The following POU6F2 variants were observed in gnomAD, a reference collection of about 807,000 sequenced individuals.
POU6F2 encodes the protein POU domain, class 6, transcription factor 2.
In POU6F2, 31 loss-of-function variants were observed where a neutral mutation model predicts 71.3. The observed-to-expected ratio is 0.43, with a 90% CI of 0.33 to 0.59. The LOEUF (loss-of-function observed/expected upper bound fraction) is 0.59, where lower values mean the gene tolerates loss of function less well. POU6F2 is among the 20% of genes least tolerant of loss of function. The probability of loss-of-function intolerance (pLI) is 0.04; values close to 1 mark genes in which losing one functional copy is unlikely to be tolerated. For missense variants in POU6F2, 783 were observed against 856.8 expected (o/e 0.91, Z 1.07); for synonymous variants, 347 against 355.7 (o/e 0.98, Z 0.27).
chr7:39,413,969 TG>T (rs1787613477), intron 6 of POU6F2, among the ~76,000 whole-genome samples: 1 of 152,184 alleles, frequency 6.6e-6, no homozygotes, highest in Non-Finnish European at 1.5e-5. Flanking sequence ...GACGGTCCCC[TG>T]GTCCGAGGAG....
At chr7:39,053,903 G>A (rs1455890359) in intron 1 of POU6F2, among the ~76,000 whole-genome samples, 1 of 152,052 alleles carries the variant, frequency 6.6e-6, no homozygotes, top group Non-Finnish European at 1.5e-5. Context: ...AGGAGTTAGA[G>A]ACCAGGCTGG....
At chr7:39,173,178 C>G (rs972817042) in intron 2 of POU6F2, among the ~76,000 whole-genome samples, 1 of 152,172 alleles carries the variant, frequency 6.6e-6, no homozygotes, top group African/African-American at 2.4e-5. Context: ...CCTACGCATT[C>G]TATATTTAAC....
At chr7:38,989,213 C>T (rs554838245) in intron 1 of POU6F2, among the ~76,000 whole-genome samples, 1 of 152,092 alleles carries the variant, frequency 6.6e-6, no homozygotes, top group Non-Finnish European at 1.5e-5. Context: ...ACTTCAAATA[C>T]AGTGTCCCAA....
chr7:39,162,901 T>C (rs1021159873), intron 2 of POU6F2, among the ~76,000 whole-genome samples: 2 of 152,154 alleles, frequency 1.3e-5, no homozygotes, highest in African/African-American at 2.4e-5. Flanking sequence ...ATCTGTAACA[T>C]GGTTTGTCAT....
In POU6F2 at chr7:39,160,588, C is replaced by T. The variant is rs369642876; in HGVS notation, c.278-43647C>T. 2.6e-5 allele frequency among the ~76,000 whole-genome samples: 4 copies of T among 152,196 alleles called. No individual in the cohort carries two copies. In the East Asian group the frequency reaches 7.7e-4, roughly 29 times the overall value. ...ATATTCATCTAAAACTGACCTCCTG[C>T]TTTCCTGCTTCTGGACTTTTGCTCC... On this transcript the variant is annotated intron_variant, in intron 2 of 9. Transcript: ENST00000518318.
intron 4 of POU6F2, among the ~76,000 whole-genome samples, chr7:39,291,698 G>A (rs150393316): frequency 1.8e-3 from 269 of 152,240 alleles, no homozygotes; most frequent in Non-Finnish European, 3.1e-3. Flanking sequence ...ATGAGGGCTA[G>A]GCTTGAAGCA....
At chr7:39,380,586 T>C (rs1014838530) in intron 5 of POU6F2, among the ~76,000 whole-genome samples, 2 of 152,186 alleles carry the variant, frequency 1.3e-5, no homozygotes, top group African/African-American at 4.8e-5. Flanking sequence ...ACAACATCAG[T>C]GTGAGAATAC....
chr7:39,111,580 A>T (rs377706335), intron 2 of POU6F2, among the ~76,000 whole-genome samples: 29 of 152,322 alleles, frequency 1.9e-4, no homozygotes, highest in South Asian at 1.4e-3. Context: ...CTGCATCATA[A>T]TTGTAGATAC....
At chr7:39,373,843 T>G (rs1362162076) in intron 5 of POU6F2, 1 of 169,160 alleles carries the variant, frequency 5.9e-6, no homozygotes, top group Non-Finnish European at 1.3e-5. Context: ...CAACTTTTCA[T>G]AGATCTTAAC....
chr7:39,289,474 AT>A lies in POU6F2; in HGVS notation c.599-50158del, dbSNP rs892539202. ...TTGTTTTACCTAAAAGCGGGACTTCATTTTTTTTTTCAGTTGATGCCCACAT... is the reference window on the plus strand; with the variant it reads ...TTGTTTTACCTAAAAGCGGGACTTCATTTTTTTTTCAGTTGATGCCCACAT... On this transcript the variant is annotated intron_variant, in intron 4 of 9. Transcript: ENST00000518318. 3.3e-4 allele frequency among the ~76,000 whole-genome samples: 49 copies of A among 149,468 alleles called. 1 individual carries two copies. Among genetic ancestry groups the A allele is most frequent in the Admixed American group, 1.6e-3 (24 of 15,004 alleles).
At chr7:39,305,955 T>C (rs561577801) in intron 4 of POU6F2, among the ~76,000 whole-genome samples, 1 of 152,230 alleles carries the variant, frequency 6.6e-6, no homozygotes, top group Admixed American at 6.5e-5. Context: ...TATGACTCAA[T>C]TTCTTTTCCT....
intron 6 of POU6F2, among the ~76,000 whole-genome samples, chr7:39,415,958 C>G (rs1326425396): frequency 6.6e-6 from 1 of 152,098 alleles, no homozygotes; most frequent in East Asian, 1.9e-4. Context: ...CCCTGATTTT[C>G]TCGGGTTCAG....
chr7:39,338,144 C>T (rs190066489), intron 4 of POU6F2, among the ~76,000 whole-genome samples: 3 of 152,320 alleles, frequency 2.0e-5, no homozygotes, highest in Admixed American at 6.5e-5. Flanking sequence ...AGGCCAGATG[C>T]AATCAAGTCC....
chr7:39,434,431 C>G (rs1788182236), intron 7 of POU6F2, among the ~76,000 whole-genome samples: 1 of 152,016 alleles, frequency 6.6e-6, no homozygotes, highest in Admixed American at 6.6e-5. Flanking sequence ...GTAGCTATCT[C>G]ACAGGGTGGT....
chr7:39,383,733 A>C (rs1786877828), intron 5 of POU6F2, among the ~76,000 whole-genome samples: 2 of 152,140 alleles, frequency 1.3e-5, no homozygotes. Context: ...CTCGAACCAG[A>C]CCTCTGAAGA....
At chr7:39,394,726 T>G (rs1787138794) in intron 5 of POU6F2, among the ~76,000 whole-genome samples, 1 of 152,288 alleles carries the variant, frequency 6.6e-6, no homozygotes, top group South Asian at 2.1e-4. Flanking sequence ...GGTCTGTGAT[T>G]TATCCAGGAT....
In POU6F2 at chr7:39,464,111, C is replaced by A; in HGVS notation, c.1659-71C>A. 1 of 1,534,850 alleles carries A rather than the reference C, an allele frequency of 6.5e-7. No homozygotes were observed. ...AAATTCGCCCTGCCAGGCAGTCAGG[C>A]AGGCAGGCAGGAGGCCCACCCTGGC... is the stretch of plus-strand genomic sequence containing the variant. On this transcript the variant is annotated intron_variant, in intron 9 of 9. Coordinates refer to ENST00000518318, the MANE Select transcript of POU6F2 (RefSeq NM_001370959.1). This position sits in a 1 kb window ranked among gnomAD's most constrained non-coding sequence, Gnocchi z 4.1.
chr7:39,139,048 C>T (rs1045112846), intron 2 of POU6F2, among the ~76,000 whole-genome samples: 2 of 152,110 alleles, frequency 1.3e-5, no homozygotes, highest in Admixed American at 6.6e-5. Flanking sequence ...TGGTTGAATG[C>T]TCTGTTGTCA....
intron 5 of POU6F2, among the ~76,000 whole-genome samples, chr7:39,355,845 A>G (rs1386814567): frequency 6.6e-6 from 1 of 152,208 alleles, no homozygotes; most frequent in Non-Finnish European, 1.5e-5. Context: ...AAAAATGAGT[A>G]GATAATTCTA....
Sources: gnomAD v4.1 joint callset for allele counts (sites outside exome capture counted in the v4.1 genomes callset) on GRCh38, gnomAD v4.1.1 for gene constraint, Gnocchi (gnomAD v3.1) non-coding constraint, MANE v1.5 for transcripts, NCBI Gene and HGNC (gene_info 2026-07-23, HGNC 2026-07-21) for gene names.